Variants in ZNF140 observed in about 807,000 individuals in gnomAD.
The protein encoded by ZNF140 is zinc finger protein 140 (clone pHZ-39).
A neutral mutation model predicts 12.9 loss-of-function variants in ZNF140; 13 were observed. That is an observed-to-expected ratio of 1.01 (90% CI 0.66 to 1.60). The LOEUF is 1.60. ZNF140 is among the 40% of genes most tolerant of loss of function. The pLI, the probability that ZNF140 is intolerant of heterozygous loss-of-function variation, is 0.00. For synonymous variants in ZNF140, 214 were observed against 186.7 expected (o/e 1.15, Z -1.19); for missense variants, 531 against 548.8 (o/e 0.97, Z 0.32).
intron 4 of ZNF140, among the ~76,000 whole-genome samples, chr12:133,083,821 TTGG>T (rs1954582403): frequency 6.6e-6 from 1 of 151,784 alleles, no homozygotes; most frequent in South Asian, 2.1e-4. Flanking sequence ...TTTGCCGGGC[TTGG>T]TGGCGGGTGC....
upstream of ZNF140, chr12:133,080,689 G>C (rs1435295494): frequency 7.2e-5 from 11 of 152,436 alleles, no homozygotes; most frequent in Non-Finnish European, 1.6e-4. Context: ...GATGGCTCTG[G>C]GAATTGTAGT....
At chr12:133,094,207 C>G (rs1249720410) in intron 4 of ZNF140, among the ~76,000 whole-genome samples, 2 of 147,014 alleles carry the variant, frequency 1.4e-5, no homozygotes, top group African/African-American at 5.2e-5. Context: ...GAAAACTTGT[C>G]TCTCATTGGT....
At position 133,105,880 on chromosome 12, in the gene ZNF140, T is replaced by A; in HGVS notation, c.603T>A (p.Ile201=). The change falls in exon 5 of 5, where the codon ATT becomes ATA. Residue 201 remains isoleucine, a synonymous_variant. Transcript: ENST00000355557. ...AATGTGGCAAAACCTTTAGCCAGATTTCAAACCTTGTGAAACACCAAATGA... is the reference window on the plus strand; with the variant it reads ...AATGTGGCAAAACCTTTAGCCAGATATCAAACCTTGTGAAACACCAAATGA... ...CKECGKTFSQ[I]SNLVKHQMIH... is the part of the protein sequence containing the mutation. 1 of 1,614,070 alleles carries A rather than the reference T, an allele frequency of 6.2e-7. No homozygotes were observed. Among genetic ancestry groups the A allele is most frequent in the Non-Finnish European group, 8.5e-7 (1 of 1,180,000 alleles).
At chr12:133,095,784 G>A (rs534894135) in intron 4 of ZNF140, among the ~76,000 whole-genome samples, 422 of 151,964 alleles carry the variant, frequency 2.8e-3, no homozygotes, top group Middle Eastern at 0.01. Flanking sequence ...ACTATGCCTG[G>A]ATGTGCACGT....
rs778986184 is a variant in ZNF140 at position 133,106,097 on chromosome 12, ATATG to A, written c.823_826del (p.Cys275GlyfsTer215). On this transcript the variant is annotated frameshift_variant, in exon 5 of 5. Coordinates refer to ENST00000355557, the MANE Select transcript of ZNF140 (RefSeq NM_003440.4). LOFTEE classifies it low-confidence loss of function (END_TRUNC). The stretch of plus-strand genomic sequence containing the variant: ...AATTCACATAGGAAAGAAACAATAT[ATATG>A]TAGGAAATGTGGTAAAGCATTTAGC... 2.5e-6 allele frequency: 4 copies of A among 1,614,088 alleles called. No individual in the cohort carries two copies. The highest frequency in any genetic ancestry group is 2.5e-6 in the Non-Finnish European group (3 of 1,179,998).
rs1954926781 is a variant in ZNF140 at position 133,092,441 on chromosome 12, G to A, written c.232+8880G>A. On this transcript the variant is annotated intron_variant, in intron 4 of 4. Coordinates refer to ENST00000355557, the MANE Select transcript of ZNF140 (RefSeq NM_003440.4). ...TATGTTTCCTACAACTAGCATATAA[G>A]GGGGTTTTACACAACTTTGCAAAGG... Among the ~76,000 whole-genome samples the A allele has an allele frequency of 2.6e-5, 4 of 151,226 alleles. 1 individual carries two copies. Among genetic ancestry groups the A allele is most frequent in the Non-Finnish European group, 5.9e-5 (4 of 67,894 alleles).
In ZNF140 at chr12:133,105,501, A is replaced by G; in HGVS notation, c.233-9A>G. ...AAGAAACATTCACTTTTTTTTTGGT[A>G]TCTTTCAGTTTCAGAGTCAAGTGGT... On this transcript the variant is annotated splice_polypyrimidine_tract_variant and intron_variant, in intron 4 of 4. Coordinates refer to ENST00000355557, the MANE Select transcript of ZNF140 (RefSeq NM_003440.4). 2.6e-6 allele frequency: 4 copies of G among 1,561,946 alleles called. No individual in the cohort carries two copies. The highest frequency in any genetic ancestry group is 3.5e-6 in the Non-Finnish European group (4 of 1,158,604).
At chr12:133,089,197 G>C (rs1954774279) in intron 4 of ZNF140, among the ~76,000 whole-genome samples, 1 of 151,842 alleles carries the variant, frequency 6.6e-6, no homozygotes, top group African/African-American at 2.4e-5. Flanking sequence ...ATTTTTGAAA[G>C]TTATTAATTA....
chr12:133,099,891 T>C (rs1396135439), intron 4 of ZNF140, among the ~76,000 whole-genome samples: 1 of 151,918 alleles, frequency 6.6e-6, no homozygotes, highest in Non-Finnish European at 1.5e-5. Flanking sequence ...TCCTTCACTT[T>C]TGAAGGATAA....
At position 133,105,391 on chromosome 12, in the gene ZNF140, A is replaced by G. The variant is rs948795392; in HGVS notation, c.233-119A>G. On this transcript the variant is annotated intron_variant, in intron 4 of 4. Coordinates refer to ENST00000355557, the MANE Select transcript of ZNF140 (RefSeq NM_003440.4). ...TACTCAGATTTCAGTCACAGCTGTG[A>G]AAGCTGCTATTGATAAGATTTTTTG... The G allele has an allele frequency of 7.2e-5, 75 of 1,044,796 alleles. No homozygotes were observed. The African/African-American group carries it at 1.0e-3, about 14-fold the overall frequency. 64.7% of individuals were successfully genotyped at this position (1,044,796 alleles called of 1,614,324 possible).
intron 4 of ZNF140, among the ~76,000 whole-genome samples, chr12:133,084,900 C>T (rs1954624193): frequency 6.6e-6 from 1 of 151,998 alleles, no homozygotes; most frequent in Admixed American, 6.6e-5. Context: ...TGCAGGGAAA[C>T]TTTGTTTAGT....
chr12:133,083,071 C>T (rs1004740974), intron 2 of ZNF140, 32 bp from the exon 3 acceptor site: 1 of 1,613,770 alleles, frequency 6.2e-7, no homozygotes, highest in Non-Finnish European at 8.5e-7. Context: ...GGCATGCGTG[C>T]TGGTCATGCA....
In ZNF140 at chr12:133,106,674, A is replaced by G; in HGVS notation, c.*23A>G. Reference sequence around the variant, plus strand: ...TGAATTTACACTGCAAAGAAAAACTATGAATGTATGGAATTTTTTAAAAAG... The same window carrying G: ...TGAATTTACACTGCAAAGAAAAACTGTGAATGTATGGAATTTTTTAAAAAG... On this transcript the variant is annotated 3_prime_UTR_variant, in exon 5 of 5. Transcript: ENST00000355557. 1 of 1,530,164 alleles carries G rather than the reference A, an allele frequency of 6.5e-7. No homozygotes were observed. Among genetic ancestry groups the G allele is most frequent in the East Asian group, 2.3e-5 (1 of 44,394 alleles). The allele number at this position is 1,530,164 out of a possible 1,614,324, so 94.8% of individuals were successfully genotyped here.
chr12:133,083,635 A>C (rs2137482491), intron 4 of ZNF140, 74 bp downstream of exon 4: 3 of 1,409,816 alleles, frequency 2.1e-6, no homozygotes, highest in South Asian at 1.2e-5. Flanking sequence ...AATACTTTTT[A>C]ATATGTTGAT....
chr12:133,099,455 G>A (rs1955257189), intron 4 of ZNF140, among the ~76,000 whole-genome samples: 3 of 152,216 alleles, frequency 2.0e-5, no homozygotes, highest in African/African-American at 7.2e-5. Flanking sequence ...GGGATTACAG[G>A]CATGAGCCAC....
intron 4 of ZNF140, among the ~76,000 whole-genome samples, chr12:133,090,287 T>C (rs759456793): frequency 3.9e-5 from 6 of 152,056 alleles, no homozygotes; most frequent in Non-Finnish European, 1.5e-5. Flanking sequence ...TACCGACACA[T>C]GCCAACACTC....
intron 4 of ZNF140, among the ~76,000 whole-genome samples, chr12:133,095,728 CAT>C (rs1381743518): frequency 1.7e-3 from 257 of 151,600 alleles, no homozygotes; most frequent in Middle Eastern, 0.014. Context: ...CAGCAAAAAA[CAT>C]GTGAGCAAAA....
chr12:133,090,741 A>C (rs1310471587), intron 4 of ZNF140, among the ~76,000 whole-genome samples: 2 of 147,432 alleles, frequency 1.4e-5, no homozygotes, highest in African/African-American at 5.0e-5. Flanking sequence ...TTTCAGCAAA[A>C]AGGAATGTAG....
intron 4 of ZNF140, among the ~76,000 whole-genome samples, chr12:133,101,959 C>CTT (rs1275544316): frequency 2.1e-5 from 3 of 145,844 alleles, no homozygotes; most frequent in Admixed American, 6.9e-5. Context: ...TCTGTTCAAA[C>CTT]TTTTTTTTTT....
Sources: gnomAD v4.1 joint callset for allele counts (sites outside exome capture counted in the v4.1 genomes callset) on GRCh38, gnomAD v4.1.1 for gene constraint, MANE v1.5 for transcripts, NCBI Gene and HGNC (gene_info 2026-07-23, HGNC 2026-07-21) for gene names.